CLIC5: variants seen among roughly 807,000 people sequenced by gnomAD.
CLIC5 encodes the protein CLIC family member 5.
CLIC5 carries 20 observed loss-of-function variants against 24.7 expected under a neutral mutation model. The observed-to-expected ratio is 0.81, with a 90% CI of 0.57 to 1.18. The LOEUF is 1.18. CLIC5 is among the 50% of genes most tolerant of loss of function. The probability of loss-of-function intolerance (pLI) is 0.00; values close to 1 mark genes in which losing one functional copy is unlikely to be tolerated. For synonymous variants in CLIC5, 159 were observed against 135.6 expected (o/e 1.17, Z -1.20); for missense variants, 341 against 326.1 (o/e 1.05, Z -0.35).
chr6:45,893,821 C>A (rs547685247), downstream of CLIC5, among the ~76,000 whole-genome samples: 3 of 152,148 alleles, frequency 2.0e-5, no homozygotes, highest in African/African-American at 7.2e-5. Flanking sequence ...GTGGTATACA[C>A]TGGGTTTGAC....
intron 4 of CLIC5, among the ~76,000 whole-genome samples, chr6:45,930,595 G>A (rs1763697066): frequency 6.6e-6 from 1 of 152,162 alleles, no homozygotes; most frequent in South Asian, 2.1e-4. Context: ...TGGCTCTGGC[G>A]ACGATTCCTC....
chr6:45,883,108 AT>A (rs1762276636), intron 6 of CLIC5, among the ~76,000 whole-genome samples: 1 of 152,152 alleles, frequency 6.6e-6, no homozygotes, highest in Admixed American at 6.5e-5. Context: ...AAGAAAGTAA[AT>A]TCTTACCTGT....
At chr6:45,911,805 G>A in intron 5 of CLIC5, 2 of 985,404 alleles carry the variant, frequency 2.0e-6, no homozygotes, top group Non-Finnish European at 2.4e-6. Flanking sequence ...GGAAAGGCCT[G>A]CAGATGCCTC....
rs1219295028 is a variant in CLIC5, at chr6:45,902,670, T to C, written c.*418A>G. ...GATCTCTTTCTAAGAAGGATGAAGA[T>C]GGCGTTTGTCCTTGGCCTTGTAGGT... On this transcript the variant is annotated 3_prime_UTR_variant, in exon 6 of 6. Coordinates refer to ENST00000339561, the MANE Select transcript of CLIC5 (RefSeq NM_016929.5). 1 of 174,464 alleles carries C rather than the reference T, an allele frequency of 5.7e-6. No homozygotes were observed. Among genetic ancestry groups the C allele is most frequent in the Non-Finnish European group, 1.2e-5 (1 of 80,784 alleles). 10.8% of individuals were successfully genotyped at this position (174,464 alleles called of 1,614,324 possible). A position where few individuals can be genotyped will look rare whatever the true frequency, so the allele number is the denominator to read the frequency against.
intron 1 of CLIC5, among the ~76,000 whole-genome samples, chr6:46,063,680 G>A (rs1762358043): frequency 6.6e-6 from 1 of 152,146 alleles, no homozygotes; most frequent in Non-Finnish European, 1.5e-5. Flanking sequence ...CATAAAAGAA[G>A]CAATCCCAGG....
chr6:46,031,937 T>C (rs1767514148), intron 1 of CLIC5, among the ~76,000 whole-genome samples: 1 of 138,662 alleles, frequency 7.2e-6, no homozygotes, highest in Non-Finnish European at 1.6e-5. Flanking sequence ...TATATATATA[T>C]ATACACACAC....
At chr6:46,055,399 G>C (rs1418771334) in intron 1 of CLIC5, among the ~76,000 whole-genome samples, 6 of 152,112 alleles carry the variant, frequency 3.9e-5, no homozygotes, top group Non-Finnish European at 8.8e-5. Flanking sequence ...CACCAAGCCC[G>C]GCTAATTTTT....
At chr6:45,912,961 G>A (rs1180585830) in intron 5 of CLIC5, among the ~76,000 whole-genome samples, 1 of 152,226 alleles carries the variant, frequency 6.6e-6, no homozygotes, top group African/African-American at 2.4e-5. Flanking sequence ...ACACAACTGA[G>A]TGACTTCAGC....
chr6:45,912,292 T>C, intron 5 of CLIC5: 17 of 1,003,462 alleles, frequency 1.7e-5, no homozygotes, highest in Non-Finnish European at 2.0e-5. Context: ...CTTTGTTCTT[T>C]CATTGGCCAT....
intron 1 of CLIC5, among the ~76,000 whole-genome samples, chr6:46,042,880 C>T (rs200622872): frequency 6.6e-6 from 1 of 152,174 alleles, no homozygotes; most frequent in East Asian, 1.9e-4. Context: ...CTCAGACCTT[C>T]TGTGCTCTAC....
At chr6:45,881,992 A>C (rs79109412) in intron 6 of CLIC5, among the ~76,000 whole-genome samples, 1 of 151,956 alleles carries the variant, frequency 6.6e-6, no homozygotes, top group East Asian at 1.9e-4. Context: ...AAAAAAAAAA[A>C]AGTGATGTGA....
At chr6:46,035,401 A>G (rs1020249905) in intron 1 of CLIC5, among the ~76,000 whole-genome samples, 3 of 152,252 alleles carry the variant, frequency 2.0e-5, no homozygotes, top group Non-Finnish European at 4.4e-5. Context: ...TTAAACAAAT[A>G]TATTGTTTAA....
chr6:46,120,771 A>C, the CLIC5 span, among the ~76,000 whole-genome samples: 31 of 152,316 alleles, frequency 2.0e-4, no homozygotes, highest in Non-Finnish European at 4.4e-4. Flanking sequence ...TGGCACGAGA[A>C]CTACATGATG....
intron 1 of CLIC5, among the ~76,000 whole-genome samples, chr6:46,015,071 C>T (rs1379215741): frequency 6.6e-6 from 1 of 152,216 alleles, no homozygotes; most frequent in African/African-American, 2.4e-5. Context: ...GTGTCAATAA[C>T]GTTTCTCTCC....
At chr6:46,040,917 A>C (rs1562019847) in intron 1 of CLIC5, among the ~76,000 whole-genome samples, 1 of 152,208 alleles carries the variant, frequency 6.6e-6, no homozygotes, top group Non-Finnish European at 1.5e-5. Flanking sequence ...TATGTTGTAC[A>C]CTTTGACACA....
intron 3 of CLIC5, among the ~76,000 whole-genome samples, chr6:45,948,962 C>T (rs563965637): frequency 1.3e-4 from 20 of 152,206 alleles, no homozygotes; most frequent in African/African-American, 4.1e-4. Flanking sequence ...AGAGAAGGAA[C>T]ATACTGGGGC....
At chr6:46,003,525 A>G (rs759867481) in intron 1 of CLIC5, among the ~76,000 whole-genome samples, 2 of 152,224 alleles carry the variant, frequency 1.3e-5, no homozygotes, top group Non-Finnish European at 2.9e-5. Flanking sequence ...TCACTATATA[A>G]AATGACTGAG....
the CLIC5 span, among the ~76,000 whole-genome samples, chr6:46,089,947 T>C: frequency 6.6e-6 from 1 of 152,232 alleles, no homozygotes; most frequent in African/African-American, 2.4e-5. Flanking sequence ...TAACAGACAG[T>C]ATTTTTCGTG....
intron 1 of CLIC5, among the ~76,000 whole-genome samples, chr6:45,971,213 G>T (rs1319855793): frequency 6.6e-6 from 1 of 152,186 alleles, no homozygotes; most frequent in Non-Finnish European, 1.5e-5. Context: ...TCAGCCATCT[G>T]GTATATAGAA....
Sources: gnomAD v4.1 joint callset for allele counts (sites outside exome capture counted in the v4.1 genomes callset) on GRCh38, gnomAD v4.1.1 for gene constraint, MANE v1.5 for transcripts, NCBI Gene and HGNC (gene_info 2026-07-23, HGNC 2026-07-21) for gene names.